VAC14: variants seen among roughly 807,000 people sequenced by gnomAD.
VAC14 encodes the protein VAC14 component of PIKFYVE complex.
VAC14 carries 47 observed loss-of-function variants against 85.3 expected under a neutral mutation model. The observed-to-expected ratio is 0.55, with a 90% CI of 0.44 to 0.70. VAC14 has a LOEUF of 0.70. Among genes scored for constraint, VAC14 ranks in the 30% least tolerant of loss-of-function variants. VAC14 has a pLI of 0.00. For missense variants in VAC14, 861 were observed against 1,004.3 expected, an observed-to-expected ratio of 0.86 and a Z score of 1.93; for synonymous variants, 447 against 430.5, an observed-to-expected ratio of 1.04 and a Z score of -0.47.
At chr16:70,777,954 G>A (rs2033605938) in intron 9 of VAC14, among the ~76,000 whole-genome samples, 1 of 152,216 alleles carries the variant, frequency 6.6e-6, no homozygotes, top group Non-Finnish European at 1.5e-5. Flanking sequence ...TGTCTCCTGG[G>A]CACCTTGGTA....
intron 12 of VAC14, among the ~76,000 whole-genome samples, chr16:70,757,075 G>T (rs779165243): frequency 4.6e-5 from 7 of 152,178 alleles, no homozygotes; most frequent in Non-Finnish European, 7.3e-5. Context: ...AGCTACGGGA[G>T]GGGGAAGAGA....
At chr16:70,778,217 G>A (rs560728755) in intron 9 of VAC14, among the ~76,000 whole-genome samples, 1 of 152,296 alleles carries the variant, frequency 6.6e-6, no homozygotes, top group East Asian at 1.9e-4. Flanking sequence ...AGGCTGCACT[G>A]GCCGGGAATC....
At chr16:70,720,684 G>C (rs1446598032) in intron 14 of VAC14, among the ~76,000 whole-genome samples, 1 of 152,216 alleles carries the variant, frequency 6.6e-6, no homozygotes, top group Non-Finnish European at 1.5e-5. Context: ...TACTGATGAC[G>C]AGGTGGATGG....
At chr16:70,728,919 G>A (rs2054508323) in intron 14 of VAC14, among the ~76,000 whole-genome samples, 1 of 152,164 alleles carries the variant, frequency 6.6e-6, no homozygotes, top group African/African-American at 2.4e-5. Flanking sequence ...TTTCCTGGTG[G>A]GGGGGCCTCT....
At chr16:70,700,961 AGGAGGGTGC>A (rs1256123565) in intron 14 of VAC14, among the ~76,000 whole-genome samples, 1 of 152,192 alleles carries the variant, frequency 6.6e-6, no homozygotes. Context: ...GGGCAGGCTG[AGGAGGGTGC>A]GGAGGGAGGG....
chr16:70,797,883 AT>A (rs1247834839), intron 1 of VAC14, among the ~76,000 whole-genome samples: 1 of 152,104 alleles, frequency 6.6e-6, no homozygotes, highest in East Asian at 1.9e-4. Context: ...TTTGCCCTCC[AT>A]CATGATTGGA....
chr16:70,727,196 A>T (rs887958218), intron 14 of VAC14, among the ~76,000 whole-genome samples: 2 of 152,168 alleles, frequency 1.3e-5, no homozygotes, highest in Non-Finnish European at 2.9e-5. Context: ...CTCAGTGTGC[A>T]ATCTTGGAGG....
Position 70,765,018 on chromosome 16 carries a change from C to T in VAC14, c.1161-1993G>A, listed in dbSNP as rs147084222. 3.2e-4 allele frequency among the ~76,000 whole-genome samples: 49 copies of T among 152,326 alleles called. No homozygotes were observed. In the East Asian group the frequency reaches 6.0e-3, roughly 19 times the overall value. On this transcript the variant is annotated intron_variant, in intron 10 of 18. Transcript: ENST00000261776. The stretch of plus-strand genomic sequence containing the variant: ...GAAGAATCCCCTGGCTAGAGAAGCT[C>T]ATGTCCTGGTGGTGGAAGAGATGCC...
intron 14 of VAC14, among the ~76,000 whole-genome samples, chr16:70,711,200 G>A (rs372652065): frequency 1.3e-5 from 2 of 152,340 alleles, no homozygotes; most frequent in African/African-American, 2.4e-5. Context: ...TCACCTCCAG[G>A]AGGTCCACGA....
At chr16:70,749,863 T>A (rs376277364) in intron 12 of VAC14, among the ~76,000 whole-genome samples, 2 of 152,358 alleles carry the variant, frequency 1.3e-5, no homozygotes, top group African/African-American at 4.8e-5. Context: ...TGGCCAGGAC[T>A]CTGCCTCTGC....
intron 13 of VAC14, among the ~76,000 whole-genome samples, chr16:70,741,126 C>T (rs1197189218): frequency 6.6e-6 from 1 of 152,284 alleles, no homozygotes; most frequent in African/African-American, 2.4e-5. Context: ...CTGCTGCCTC[C>T]AAGTTCTCCA....
At chr16:70,708,759 A>C (rs1326315424) in intron 14 of VAC14, among the ~76,000 whole-genome samples, 2 of 152,194 alleles carry the variant, frequency 1.3e-5, no homozygotes, top group Non-Finnish European at 1.5e-5. Flanking sequence ...GTGTTGGAGA[A>C]AAACGCAGTG....
At chr16:70,742,197 GGCTGTGGC>G (rs796512526) in intron 13 of VAC14, among the ~76,000 whole-genome samples, 7 of 152,320 alleles carry the variant, frequency 4.6e-5, no homozygotes, top group African/African-American at 1.7e-4. Context: ...GGAGAGAAGA[GGCTGTGGC>G]GCCTGCTTCC....
intron 14 of VAC14, among the ~76,000 whole-genome samples, chr16:70,702,158 C>A (rs12599694): frequency 1.3e-5 from 2 of 152,236 alleles, no homozygotes; most frequent in Non-Finnish European, 2.9e-5. Flanking sequence ...CCCAGGCAGG[C>A]CTTTTTGTGC....
intron 13 of VAC14, among the ~76,000 whole-genome samples, chr16:70,739,699 GCC>G (rs2030071775): frequency 6.6e-6 from 1 of 152,180 alleles, no homozygotes; most frequent in African/African-American, 2.4e-5. Context: ...GCAGGGCAGG[GCC>G]TAACGTGACC....
intron 14 of VAC14, among the ~76,000 whole-genome samples, chr16:70,723,659 C>T (rs1317074214): frequency 6.6e-6 from 1 of 152,244 alleles, no homozygotes; most frequent in East Asian, 1.9e-4. Context: ...AATCCATTAT[C>T]AAGTTCTCAG....
intron 1 of VAC14, among the ~76,000 whole-genome samples, chr16:70,791,299 C>A (rs575381000): frequency 2.4e-4 from 36 of 152,344 alleles, no homozygotes; most frequent in African/African-American, 8.2e-4. Flanking sequence ...GACTCAGGAC[C>A]CCTCATTCTG....
chr16:70,744,741 T>A, intron 12 of VAC14, 162 bp from the exon 13 acceptor site: 1 of 757,906 alleles, frequency 1.3e-6, no homozygotes, highest in Non-Finnish European at 2.0e-6. Context: ...TGGGGCATGC[T>A]CAGAAAAGTG....
chr16:70,711,358 C>A (rs188050712), intron 14 of VAC14, among the ~76,000 whole-genome samples: 1 of 152,302 alleles, frequency 6.6e-6, no homozygotes, highest in East Asian at 1.9e-4. Context: ...GGCAGCAGGG[C>A]CTGGCTCGGC....
Sources: gnomAD v4.1 joint callset for allele counts (sites outside exome capture counted in the v4.1 genomes callset) on GRCh38, gnomAD v4.1.1 for gene constraint, MANE v1.5 for transcripts, NCBI Gene and HGNC (gene_info 2026-07-23, HGNC 2026-07-21) for gene names.